The following MNAT1 variants were observed in gnomAD, a reference collection of about 807,000 sequenced individuals.
MNAT1 encodes MNAT1 component of CDK activating kinase.
MNAT1 carries 43 observed loss-of-function variants against 42.0 expected under a neutral mutation model. The observed-to-expected ratio is 1.02, with a 90% CI of 0.80 to 1.32. The LOEUF (loss-of-function observed/expected upper bound fraction) is 1.32. Ranked by LOEUF, MNAT1 falls within the 40% of genes most tolerant of loss-of-function variation. MNAT1 has a pLI of 0.00. For missense variants in MNAT1, 306 were observed against 350.4 expected, an observed-to-expected ratio of 0.87 and a Z score of 1.01; for synonymous variants, 118 against 120.0, an observed-to-expected ratio of 0.98 and a Z score of 0.11.
intron 6 of MNAT1, among the ~76,000 whole-genome samples, chr14:60,836,929 T>C (rs2033407397): frequency 6.6e-6 from 1 of 152,198 alleles, no homozygotes; most frequent in African/African-American, 2.4e-5. Flanking sequence ...CTTTCAGAGA[T>C]ACCCTGCCAA....
chr14:60,964,014 T>C (rs1032938043), intron 7 of MNAT1, among the ~76,000 whole-genome samples: 4 of 152,058 alleles, frequency 2.6e-5, no homozygotes. Context: ...ACGAGCTGAG[T>C]CCAAGACTTC....
At chr14:60,857,057 A>G (rs1463438939) in intron 6 of MNAT1, among the ~76,000 whole-genome samples, 4 of 152,226 alleles carry the variant, frequency 2.6e-5, no homozygotes, top group Non-Finnish European at 5.9e-5. Flanking sequence ...AATGGGCGCA[A>G]CCAAGTCTAG....
intron 1 of MNAT1, among the ~76,000 whole-genome samples, chr14:60,742,527 A>G (rs1566747535): frequency 6.6e-6 from 1 of 152,222 alleles, no homozygotes; most frequent in Non-Finnish European, 1.5e-5. Flanking sequence ...ACTTCACTGA[A>G]TATAATTCAC....
chr14:60,842,317 T>C (rs2033573624), intron 6 of MNAT1, among the ~76,000 whole-genome samples: 1 of 152,208 alleles, frequency 6.6e-6, no homozygotes, highest in Non-Finnish European at 1.5e-5. Flanking sequence ...TCTCTGGTAA[T>C]CTGCCCTGCA....
intron 7 of MNAT1, among the ~76,000 whole-genome samples, chr14:60,933,277 T>C (rs527944747): frequency 1.3e-5 from 2 of 152,218 alleles, no homozygotes; most frequent in South Asian, 4.1e-4. Flanking sequence ...ATTTGATCAA[T>C]TAGGCATATC....
intron 1 of MNAT1, among the ~76,000 whole-genome samples, chr14:60,794,548 C>T (rs922979352): frequency 1.4e-5 from 2 of 147,580 alleles, no homozygotes; most frequent in African/African-American, 5.0e-5. Flanking sequence ...TGCTTGTTAT[C>T]CCAGCTACTG....
intron 1 of MNAT1, among the ~76,000 whole-genome samples, chr14:60,749,233 T>C (rs1401586536): frequency 6.6e-6 from 1 of 152,222 alleles, no homozygotes; most frequent in Non-Finnish European, 1.5e-5. Flanking sequence ...ATGGAAGTTA[T>C]GTTCTCAAAC....
In MNAT1 at chr14:60,734,821, C is replaced by T. The variant is rs749966150; in HGVS notation, c.-42C>T. The T allele has an allele frequency of 1.9e-6, 3 of 1,600,082 alleles. No individual in the cohort carries two copies. The highest frequency in any genetic ancestry group is 2.6e-6 in the Non-Finnish European group (3 of 1,167,650). On this transcript the variant is annotated 5_prime_UTR_variant, in exon 1 of 8. Coordinates refer to ENST00000261245, the MANE Select transcript of MNAT1 (RefSeq NM_002431.4). This position sits in a 1 kb window ranked among gnomAD's most constrained non-coding sequence, Gnocchi z 4.3. ...TGAGGGGGCTTGTAGGTGGCTCTGG[C>T]TGAAACAGGCGCCTGCGAGAGTCTG...
At chr14:60,776,047 GTAGA>G (rs1374882054) in intron 1 of MNAT1, among the ~76,000 whole-genome samples, 3 of 152,198 alleles carry the variant, frequency 2.0e-5, no homozygotes, top group South Asian at 2.1e-4. Context: ...TCATGGACTG[GTAGA>G]TAGATGGCTT....
intron 6 of MNAT1, among the ~76,000 whole-genome samples, chr14:60,838,211 A>G (rs1028510418): frequency 1.3e-5 from 2 of 151,864 alleles, no homozygotes; most frequent in Admixed American, 1.3e-4. Flanking sequence ...TCACTGCTCA[A>G]TGCAGGTTCT....
At chr14:60,781,244 G>A (rs1203137430) in intron 1 of MNAT1, among the ~76,000 whole-genome samples, 1 of 152,054 alleles carries the variant, frequency 6.6e-6, no homozygotes, top group African/African-American at 2.4e-5. Context: ...CAAGTTTTAA[G>A]TGAGGAAATA....
chr14:60,943,039 T>C (rs1451781567), intron 7 of MNAT1, among the ~76,000 whole-genome samples: 6 of 120,452 alleles, frequency 5.0e-5, no homozygotes, highest in Admixed American at 1.7e-4. Flanking sequence ...TGTGTGTGTG[T>C]GTGTGTGTGT....
chr14:60,937,491 T>C (rs2036025341), intron 7 of MNAT1, among the ~76,000 whole-genome samples: 1 of 152,238 alleles, frequency 6.6e-6, no homozygotes, highest in African/African-American at 2.4e-5. Flanking sequence ...TAGGGAATCC[T>C]TTCCCCATTT....
chr14:60,956,127 C>T (rs2036483911), intron 7 of MNAT1, among the ~76,000 whole-genome samples: 1 of 151,786 alleles, frequency 6.6e-6, no homozygotes, highest in African/African-American at 2.4e-5. Flanking sequence ...TAAGTATTGT[C>T]TTTTATTAGT....
At chr14:60,750,785 A>T (rs1011788830) in intron 1 of MNAT1, among the ~76,000 whole-genome samples, 1 of 152,204 alleles carries the variant, frequency 6.6e-6, no homozygotes, top group Non-Finnish European at 1.5e-5. Context: ...CAAAGTTAGC[A>T]TCAGGGGAAC....
intron 6 of MNAT1, among the ~76,000 whole-genome samples, chr14:60,877,896 C>G (rs2034468425): frequency 6.6e-6 from 1 of 151,892 alleles, no homozygotes. Context: ...TAGTTTTCAG[C>G]ATAAAATTTT....
At chr14:60,961,700 A>T (rs1030093995) in intron 7 of MNAT1, among the ~76,000 whole-genome samples, 1 of 152,124 alleles carries the variant, frequency 6.6e-6, no homozygotes, top group African/African-American at 2.4e-5. Flanking sequence ...CTGTCTTATT[A>T]TCAGGGCTAC....
rs2036727294 is a variant in MNAT1, at chr14:60,968,616, A to G, written c.*267A>G. The G allele has an allele frequency of 1.1e-6, 1 of 933,992 alleles. No homozygotes were observed. The highest frequency in any genetic ancestry group is 1.5e-6 in the Non-Finnish European group (1 of 663,462). 57.9% of individuals were successfully genotyped at this position (933,992 alleles called of 1,614,324 possible). Reference sequence around the variant, plus strand: ...AGAGAGGAATAAATAATTCACCTATATGTGTTTGAGGTTGTGACAGACTTA... The same window carrying G: ...AGAGAGGAATAAATAATTCACCTATGTGTGTTTGAGGTTGTGACAGACTTA... On this transcript the variant is annotated 3_prime_UTR_variant, in exon 8 of 8. Transcript: ENST00000261245.
chr14:60,763,227 TTTATCTTTAATTAA>T (rs1376803907), intron 1 of MNAT1, among the ~76,000 whole-genome samples: 1 of 152,174 alleles, frequency 6.6e-6, no homozygotes, highest in Non-Finnish European at 1.5e-5. Context: ...ATCTTTATCA[TTTATCTTTAATTAA>T]TTTATAGATG....
Sources: gnomAD v4.1 joint callset for allele counts (sites outside exome capture counted in the v4.1 genomes callset) on GRCh38, gnomAD v4.1.1 for gene constraint, Gnocchi (gnomAD v3.1) non-coding constraint, MANE v1.5 for transcripts, NCBI Gene and HGNC (gene_info 2026-07-23, HGNC 2026-07-21) for gene names.